GPHN: variants seen among roughly 807,000 people sequenced by gnomAD.
The protein encoded by GPHN is gephyrin.
Under a neutral mutation model 95.5 loss-of-function variants are expected in GPHN, and 17 were observed. The ratio of observed to expected loss-of-function variants is 0.18; its 90% CI spans 0.12 to 0.27. The LOEUF (loss-of-function observed/expected upper bound fraction) is 0.27, where lower values mean the gene tolerates loss of function less well. GPHN is among the 10% of genes least tolerant of loss of function. The pLI, the probability that GPHN is intolerant of heterozygous loss-of-function variation, is 1.00. For missense variants in GPHN, 660 were observed against 978.1 expected (o/e 0.67, Z 4.34); for synonymous variants, 320 against 322.5 (o/e 0.99, Z 0.08).
At chr14:67,292,605 T>C in the GPHN span, 1 of 1,613,760 alleles carries the variant, frequency 6.2e-7, no homozygotes. Context: ...TACAACTTGT[T>C]CAAAATAAGG....
At chr14:66,765,926 G>A (rs988992065) in intron 2 of GPHN, among the ~76,000 whole-genome samples, 1 of 152,108 alleles carries the variant, frequency 6.6e-6, no homozygotes, top group African/African-American at 2.4e-5. Context: ...TGATTAAATA[G>A]AGACTCCAGT....
the GPHN span, among the ~76,000 whole-genome samples, chr14:67,625,014 C>G: frequency 6.6e-6 from 1 of 152,090 alleles, no homozygotes; most frequent in Admixed American, 6.6e-5. Context: ...CCTCATAGAC[C>G]ATCCCCAGAA....
At chr14:67,367,317 G>T in the GPHN span, among the ~76,000 whole-genome samples, 1 of 152,138 alleles carries the variant, frequency 6.6e-6, no homozygotes, top group Non-Finnish European at 1.5e-5. Context: ...TGCAACCTCC[G>T]ACTCCCTGGT....
chr14:66,508,462 C>A lies in GPHN; in HGVS notation c.-66C>A. 6.7e-7 allele frequency: 1 copy of A among 1,484,338 alleles called. No homozygotes were observed. The allele number at this position is 1,484,338 out of a possible 1,614,324, so 91.9% of individuals were successfully genotyped here. ...GCGCTCTCCTCGGCGAGCGCGCTCC[C>A]GGCCCGCGCGCTCCGGGCTCCGGTT... On this transcript the variant is annotated 5_prime_UTR_variant, in exon 1 of 23. Transcript: ENST00000478722.
intron 1 of GPHN, among the ~76,000 whole-genome samples, chr14:66,671,178 T>C (rs375584825): frequency 8.8e-4 from 134 of 152,336 alleles, no homozygotes; most frequent in African/African-American, 3.2e-3. Context: ...TCCATTATCT[T>C]GATTTAACTT....
At chr14:67,510,087 G>A in the GPHN span, among the ~76,000 whole-genome samples, 2 of 152,178 alleles carry the variant, frequency 1.3e-5, no homozygotes, top group South Asian at 4.1e-4. Flanking sequence ...CTTACTAGCT[G>A]TATGATATGG....
chr14:66,738,966 T>A (rs966381212), intron 2 of GPHN, among the ~76,000 whole-genome samples: 1 of 152,116 alleles, frequency 6.6e-6, no homozygotes, highest in African/African-American at 2.4e-5. Context: ...TCATATTTCC[T>A]TTTTGGGTGG....
At chr14:66,767,291 C>T (rs2058997024) in intron 2 of GPHN, among the ~76,000 whole-genome samples, 1 of 151,594 alleles carries the variant, frequency 6.6e-6, no homozygotes, top group African/African-American at 2.4e-5. Flanking sequence ...GCTGTCCTTC[C>T]CCTGAATTTC....
At chr14:67,096,371 C>T (rs2077394132) in intron 12 of GPHN, among the ~76,000 whole-genome samples, 1 of 152,210 alleles carries the variant, frequency 6.6e-6, no homozygotes, top group African/African-American at 2.4e-5. Flanking sequence ...CCCAGATGAC[C>T]TCCAGCTACT....
chr14:66,550,864 T>C (rs1320659484), intron 1 of GPHN, among the ~76,000 whole-genome samples: 1 of 151,912 alleles, frequency 6.6e-6, no homozygotes, highest in East Asian at 1.9e-4. Context: ...TTGTTGTTGT[T>C]GTTTTTTTTT....
intron 5 of GPHN, among the ~76,000 whole-genome samples, chr14:66,891,762 AT>A (rs75592829): frequency 1.7e-4 from 26 of 150,850 alleles, no homozygotes; most frequent in African/African-American, 5.1e-4. Flanking sequence ...ATATATATAT[AT>A]TTTTTTTAAT....
chr14:66,562,656 A>G (rs138842948), intron 1 of GPHN, among the ~76,000 whole-genome samples: 424 of 152,284 alleles, frequency 2.8e-3, no homozygotes, highest in African/African-American at 9.9e-3. Flanking sequence ...AGGGACTTTG[A>G]GCTACTAAGA....
At chr14:67,385,246 C>G in the GPHN span, 1 of 152,254 alleles carries the variant, frequency 6.6e-6, no homozygotes, top group South Asian at 2.1e-4. Flanking sequence ...GGTATACACC[C>G]AGTTCTGAAT....
chr14:66,696,264 C>T (rs1483993036), intron 2 of GPHN, among the ~76,000 whole-genome samples: 6 of 152,090 alleles, frequency 3.9e-5, no homozygotes, highest in Non-Finnish European at 8.8e-5. Context: ...ATTTAAGTCA[C>T]GTTTTTAAAG....
chr14:67,057,961 A>G (rs1025038929), intron 10 of GPHN, among the ~76,000 whole-genome samples: 5 of 152,238 alleles, frequency 3.3e-5, no homozygotes, highest in African/African-American at 1.2e-4. Flanking sequence ...CTTCTCAGAA[A>G]CTAAACATAT....
At chr14:67,349,236 C>A in the GPHN span, 1 of 877,778 alleles carries the variant, frequency 1.1e-6, no homozygotes. Context: ...GATAACTGTC[C>A]TTTTTCCAAA....
chr14:66,663,708 A>T (rs902056164), intron 1 of GPHN, among the ~76,000 whole-genome samples: 1 of 152,234 alleles, frequency 6.6e-6, no homozygotes, highest in African/African-American at 2.4e-5. Flanking sequence ...TAAAGAAACA[A>T]GACCCAATGG....
At chr14:66,515,288 T>A (rs1356196060) in intron 1 of GPHN, among the ~76,000 whole-genome samples, 3 of 152,260 alleles carry the variant, frequency 2.0e-5, no homozygotes, top group East Asian at 3.9e-4. Context: ...ATAAAAAAAT[T>A]GGGTGGTGTA....
chr14:67,647,811 G>C, the GPHN span: 1 of 522,150 alleles, frequency 1.9e-6, no homozygotes, highest in African/African-American at 1.9e-5. Flanking sequence ...GAGTTAGTCT[G>C]TCTGAGGTAT....
Sources: allele counts gnomAD v4.1 joint callset (sites outside exome capture counted in the v4.1 genomes callset), GRCh38; gene constraint gnomAD v4.1.1; transcripts MANE v1.5; gene names NCBI Gene and HGNC (gene_info 2026-07-23, HGNC 2026-07-21).